The following C9orf153 variants were observed in gnomAD, a reference collection of about 807,000 sequenced individuals.
The protein encoded by C9orf153 is uncharacterized protein C9orf153.
In C9orf153, 10 loss-of-function variants were observed where a neutral mutation model predicts 9.0. The ratio of observed to expected loss-of-function variants is 1.11; its 90% CI spans 0.69 to 1.89. The LOEUF is 1.89. Ranked by LOEUF, C9orf153 falls within the 40% of genes most tolerant of loss-of-function variation. The probability of loss-of-function intolerance (pLI) is 0.00; values close to 1 mark genes in which losing one functional copy is unlikely to be tolerated. For synonymous variants in C9orf153, 35 were observed against 37.3 expected (o/e 0.94, Z 0.23); for missense variants, 108 against 111.0 (o/e 0.97, Z 0.12).
intron 1 of C9orf153, among the ~76,000 whole-genome samples, chr9:86,240,196 T>C (rs1192166811): frequency 6.6e-6 from 1 of 152,070 alleles, no homozygotes; most frequent in Admixed American, 6.6e-5. Flanking sequence ...TTTGAAGAAA[T>C]TGAAACACAG....
At chr9:86,239,162 G>A (rs1326196323) in intron 1 of C9orf153, among the ~76,000 whole-genome samples, 2 of 151,790 alleles carry the variant, frequency 1.3e-5, no homozygotes, top group Admixed American at 6.6e-5. Context: ...TCAGGAGGCC[G>A]AGACAAAGGA....
chr9:86,229,868 G>A (rs1824429891), intron 1 of C9orf153, among the ~76,000 whole-genome samples: 1 of 152,100 alleles, frequency 6.6e-6, no homozygotes. Context: ...AGCATGGTTG[G>A]GGAGGCCTCA....
intron 2 of C9orf153, among the ~76,000 whole-genome samples, chr9:86,228,502 A>G (rs1229017878): frequency 1.3e-5 from 2 of 152,208 alleles, no homozygotes; most frequent in East Asian, 3.8e-4. Context: ...TCAGGAATCC[A>G]GTGCTGAGGA....
chr9:86,221,497 A>G lies in C9orf153; in HGVS notation c.*191T>C. On this transcript the variant is annotated 3_prime_UTR_variant, in exon 4 of 4. Coordinates refer to ENST00000339137, the MANE Select transcript of C9orf153 (RefSeq NM_001276366.4). ...TACGTCCAAAATATTTTAATACACT[A>G]CATATTCCATTTAAGAGAATAACTT... 1 of 1,348,334 alleles carries G rather than the reference A, an allele frequency of 7.4e-7. No homozygotes were observed. Among genetic ancestry groups the G allele is most frequent in the Non-Finnish European group, 9.5e-7 (1 of 1,049,664 alleles). The allele number at this position is 1,348,334 out of a possible 1,614,324, so 83.5% of individuals were successfully genotyped here. A position where few individuals can be genotyped will look rare whatever the true frequency, so the allele number is the denominator to read the frequency against.
At chr9:86,245,441 C>G (rs1824843814) in intron 1 of C9orf153, among the ~76,000 whole-genome samples, 1 of 152,170 alleles carries the variant, frequency 6.6e-6, no homozygotes, top group South Asian at 2.1e-4. Context: ...TGGCAGCCAC[C>G]ATTCTGCGTT....
intron 1 of C9orf153, among the ~76,000 whole-genome samples, chr9:86,249,165 T>A (rs1824936481): frequency 6.6e-6 from 1 of 152,228 alleles, no homozygotes; most frequent in South Asian, 2.1e-4. Flanking sequence ...AGGATGAAAA[T>A]GCAGGGTCCA....
Position 86,235,481 on chromosome 9 carries a change from G to C in C9orf153, c.-26-5852C>G, listed in dbSNP as rs193078772. Among the ~76,000 whole-genome samples, 16 of 152,166 alleles carry C rather than the reference G, an allele frequency of 1.1e-4. 1 individual carries two copies. The East Asian group carries it at 2.7e-3, about 26-fold the overall frequency. ...GAAAAATCAAGAGAAAAAAGGCCAGGTGTGGTGGCTTATGCCTGTAATACC... is the reference window on the plus strand; with the variant it reads ...GAAAAATCAAGAGAAAAAAGGCCAGCTGTGGTGGCTTATGCCTGTAATACC... On this transcript the variant is annotated intron_variant, in intron 1 of 3. Transcript: ENST00000339137.
At chr9:86,238,864 T>C (rs1824662708) in intron 1 of C9orf153, among the ~76,000 whole-genome samples, 1 of 151,890 alleles carries the variant, frequency 6.6e-6, no homozygotes, top group South Asian at 2.1e-4. Context: ...TACAAAACTG[T>C]ACAGAAATGT....
intron 1 of C9orf153, among the ~76,000 whole-genome samples, chr9:86,253,782 G>A (rs545871119): frequency 2.0e-5 from 3 of 152,268 alleles, no homozygotes; most frequent in Admixed American, 2.0e-4. Flanking sequence ...TATGCAATAA[G>A]TCAGCAAGTA....
At chr9:86,237,808 G>A (rs1369768336) in intron 1 of C9orf153, among the ~76,000 whole-genome samples, 1 of 152,148 alleles carries the variant, frequency 6.6e-6, no homozygotes, top group Non-Finnish European at 1.5e-5. Flanking sequence ...GCCAGGCATG[G>A]TGGCTCATGC....
chr9:86,224,842 G>A (rs943554296), intron 3 of C9orf153, among the ~76,000 whole-genome samples: 6 of 149,538 alleles, frequency 4.0e-5, no homozygotes, highest in African/African-American at 1.2e-4. Flanking sequence ...GGGAGAGGCT[G>A]AGGCAGGAGA....
At chr9:86,241,320 T>C (rs771050650) in intron 1 of C9orf153, among the ~76,000 whole-genome samples, 7 of 151,578 alleles carry the variant, frequency 4.6e-5, no homozygotes, top group Non-Finnish European at 8.8e-5. Flanking sequence ...GGGCTGCATG[T>C]TCCAGGTCCT....
At position 86,221,359 on chromosome 9, in the gene C9orf153, A is replaced by G. The variant is rs1008205849; in HGVS notation, c.*329T>C. 7.5e-6 allele frequency: 2 copies of G among 265,436 alleles called. No homozygotes were observed. Among genetic ancestry groups the G allele is most frequent in the African/African-American group, 4.5e-5 (2 of 44,710 alleles). The allele number at this position is 265,436 out of a possible 1,614,324, so 16.4% of individuals were successfully genotyped here. ...ACCTTTTGCTCTGTATTAACGGCTT[A>G]ATTTTACAATATACCTTCATGTGTG... On this transcript the variant is annotated 3_prime_UTR_variant, in exon 4 of 4. Transcript: ENST00000339137.
chr9:86,224,917 G>T (rs1250592017), intron 3 of C9orf153, among the ~76,000 whole-genome samples: 2 of 143,824 alleles, frequency 1.4e-5, no homozygotes, highest in African/African-American at 2.7e-5. Flanking sequence ...CTCCAGCCTG[G>T]GCAACAGAGC....
intron 1 of C9orf153, among the ~76,000 whole-genome samples, chr9:86,251,880 A>G (rs1825001255): frequency 7.1e-6 from 1 of 140,940 alleles, no homozygotes; most frequent in Non-Finnish European, 1.5e-5. Flanking sequence ...TTAACAAGAG[A>G]TAGTAAAAGG....
intron 1 of C9orf153, among the ~76,000 whole-genome samples, chr9:86,248,825 TTC>T (rs1461104423): frequency 2.0e-5 from 3 of 152,156 alleles, no homozygotes; most frequent in Non-Finnish European, 4.4e-5. Context: ...ATCAAGGACC[TTC>T]TCTTAGCCCA....
chr9:86,245,443 T>C (rs1824843877), intron 1 of C9orf153, among the ~76,000 whole-genome samples: 1 of 152,182 alleles, frequency 6.6e-6, no homozygotes, highest in Non-Finnish European at 1.5e-5. Context: ...GCAGCCACCA[T>C]TCTGCGTTCT....
intron 1 of C9orf153, among the ~76,000 whole-genome samples, chr9:86,251,564 A>T (rs1198183296): frequency 6.6e-6 from 1 of 152,158 alleles, no homozygotes; most frequent in African/African-American, 2.4e-5. Context: ...AAATTATACA[A>T]CATCATGAGA....
rs149763375 is a variant in C9orf153 at position 86,257,774 on chromosome 9, C to A, written c.-27+1776G>T. Among the ~76,000 whole-genome samples, 669 of 152,258 alleles carry A rather than the reference C, an allele frequency of 4.4e-3. 3 individuals are homozygous for A. The highest frequency in any genetic ancestry group is 7.3e-3 in the Admixed American group (111 of 15,292). On this transcript the variant is annotated intron_variant, in intron 1 of 3. Transcript: ENST00000339137. Reference sequence around the variant, plus strand: ...GAAAATATGACAATCAGACTTAGCTCCTCAGAGAGGGGAAAAGTCTGTGGT... The same window carrying A: ...GAAAATATGACAATCAGACTTAGCTACTCAGAGAGGGGAAAAGTCTGTGGT...
Sources: gnomAD v4.1 joint callset for allele counts (sites outside exome capture counted in the v4.1 genomes callset) on GRCh38, gnomAD v4.1.1 for gene constraint, MANE v1.5 for transcripts, NCBI Gene and HGNC (gene_info 2026-07-23, HGNC 2026-07-21) for gene names.